The following DCC variants were observed in gnomAD, a reference collection of about 807,000 sequenced individuals.
DCC encodes the protein DCC netrin 1 receptor, also known as netrin receptor DCC.
DCC carries 58 observed loss-of-function variants against 172.5 expected under a neutral mutation model. The observed-to-expected ratio is 0.34, with a 90% CI of 0.27 to 0.42. The LOEUF is 0.42. DCC is among the 10% of genes least tolerant of loss of function. The pLI is 1.00. For synonymous variants in DCC, 709 were observed against 644.5 expected (o/e 1.10, Z -1.52); for missense variants, 1,740 against 1,791.0 (o/e 0.97, Z 0.51).
intron 1 of DCC, among the ~76,000 whole-genome samples, chr18:52,530,783 C>T (rs764661757): frequency 6.6e-6 from 1 of 152,124 alleles, no homozygotes; most frequent in Non-Finnish European, 1.5e-5. Context: ...TCCTAAGACA[C>T]CCAGAGAGAG....
chr18:53,051,851 C>A (rs921050436), intron 5 of DCC, among the ~76,000 whole-genome samples: 7 of 151,956 alleles, frequency 4.6e-5, no homozygotes, highest in African/African-American at 1.7e-4. Context: ...CTCAGTTTCC[C>A]GGAAACACAG....
intron 12 of DCC, among the ~76,000 whole-genome samples, chr18:53,230,285 C>T (rs947008960): frequency 8.5e-5 from 13 of 152,070 alleles, no homozygotes; most frequent in African/African-American, 3.1e-4. Flanking sequence ...TTGATATACC[C>T]CCAAAGTAGA....
chr18:53,503,793 AG>A (rs1452154350), intron 27 of DCC, among the ~76,000 whole-genome samples: 1 of 152,222 alleles, frequency 6.6e-6, no homozygotes. Flanking sequence ...TTATAACATT[AG>A]CCCCCTGGAC....
chr18:52,801,626 G>A (rs1015545553), intron 2 of DCC, among the ~76,000 whole-genome samples: 9 of 152,180 alleles, frequency 5.9e-5, no homozygotes, highest in Non-Finnish European at 1.3e-4. Context: ...AGTTTTGAAT[G>A]CAGTAAAGTA....
intron 1 of DCC, among the ~76,000 whole-genome samples, chr18:52,550,322 C>T (rs543696622): frequency 5.9e-5 from 9 of 151,784 alleles, no homozygotes; most frequent in African/African-American, 1.5e-4. Context: ...TTAAATGTAA[C>T]GTGGTCTCCT....
chr18:52,939,878 A>G (rs1035478218), intron 5 of DCC, among the ~76,000 whole-genome samples: 2 of 152,194 alleles, frequency 1.3e-5, no homozygotes, highest in African/African-American at 4.8e-5. Flanking sequence ...AAACAAGTAG[A>G]TTATCAGGGA....
At chr18:52,855,152 T>C (rs1210775552) in intron 2 of DCC, among the ~76,000 whole-genome samples, 1 of 152,228 alleles carries the variant, frequency 6.6e-6, no homozygotes, top group Non-Finnish European at 1.5e-5. Flanking sequence ...TCAGTTCTCC[T>C]GTCTCCCAGG....
chr18:53,328,851 G>A (rs564632408), intron 14 of DCC, among the ~76,000 whole-genome samples: 5 of 152,270 alleles, frequency 3.3e-5, no homozygotes, highest in Admixed American at 1.3e-4. Context: ...TTACAGGCAT[G>A]AGCCACTGCA....
intron 5 of DCC, among the ~76,000 whole-genome samples, chr18:52,991,385 A>G (rs931616739): frequency 2.6e-5 from 4 of 152,232 alleles, no homozygotes; most frequent in African/African-American, 9.6e-5. Flanking sequence ...AATAGATATT[A>G]CCACACACTT....
intron 15 of DCC, among the ~76,000 whole-genome samples, chr18:53,384,209 AT>A (rs1356558689): frequency 6.6e-6 from 1 of 152,100 alleles, no homozygotes; most frequent in Non-Finnish European, 1.5e-5. Context: ...TGTACCCTTT[AT>A]GTTTAAAGTT....
intron 1 of DCC, among the ~76,000 whole-genome samples, chr18:52,561,228 T>C (rs2033029873): frequency 6.6e-6 from 1 of 152,058 alleles, no homozygotes; most frequent in Non-Finnish European, 1.5e-5. Flanking sequence ...AAAATATCTA[T>C]TCATATTTTA....
intron 12 of DCC, among the ~76,000 whole-genome samples, chr18:53,266,321 A>T (rs2056673889): frequency 6.6e-6 from 1 of 152,230 alleles, no homozygotes; most frequent in Admixed American, 6.5e-5. Flanking sequence ...ATAAATATTT[A>T]AAAAGACAGC....
intron 21 of DCC, among the ~76,000 whole-genome samples, chr18:53,429,771 T>C (rs1410454484): frequency 6.6e-6 from 1 of 152,118 alleles, no homozygotes; most frequent in Non-Finnish European, 1.5e-5. Flanking sequence ...GCACCAGGGC[T>C]CAATATTGGA....
chr18:52,989,785 A>G (rs1203709108), intron 5 of DCC, among the ~76,000 whole-genome samples: 4 of 152,184 alleles, frequency 2.6e-5, no homozygotes, highest in African/African-American at 9.6e-5. Flanking sequence ...TTAGATGATG[A>G]AACTAATTCT....
intron 25 of DCC, among the ~76,000 whole-genome samples, chr18:53,483,174 CT>C (rs1257371300): frequency 1.3e-5 from 2 of 151,836 alleles, no homozygotes; most frequent in Admixed American, 6.6e-5. Context: ...ATCTCTGATT[CT>C]TTTTAAAAGT....
At chr18:52,869,436 G>A (rs752955417) in intron 2 of DCC, among the ~76,000 whole-genome samples, 1 of 152,132 alleles carries the variant, frequency 6.6e-6, no homozygotes, top group African/African-American at 2.4e-5. Context: ...TGCCTGCATT[G>A]GTCCATGGGT....
intron 12 of DCC, among the ~76,000 whole-genome samples, chr18:53,285,341 C>T (rs1262677436): frequency 1.3e-5 from 2 of 152,118 alleles, no homozygotes; most frequent in African/African-American, 2.4e-5. Flanking sequence ...GGACTTGGTG[C>T]CCTGCATCCC....
At chr18:52,830,155 A>G (rs1411760947) in intron 2 of DCC, among the ~76,000 whole-genome samples, 2 of 152,198 alleles carry the variant, frequency 1.3e-5, no homozygotes, top group East Asian at 1.9e-4. Context: ...TGGAGATACA[A>G]TAGGAAGCCA....
At chr18:52,366,405 T>A (rs1984858376) in intron 1 of DCC, among the ~76,000 whole-genome samples, 2 of 152,146 alleles carry the variant, frequency 1.3e-5, no homozygotes, top group Non-Finnish European at 2.9e-5. Flanking sequence ...CTGTTTTTAT[T>A]CTCTTATCTG....
Sources: gnomAD v4.1 joint callset for allele counts (sites outside exome capture counted in the v4.1 genomes callset) on GRCh38, gnomAD v4.1.1 for gene constraint, MANE v1.5 for transcripts, NCBI Gene and HGNC (gene_info 2026-07-23, HGNC 2026-07-21) for gene names.